The following TCF3 variants were observed in gnomAD, a reference collection of about 807,000 sequenced individuals.
The protein encoded by TCF3 is transcription factor 3.
A neutral mutation model predicts 72.3 loss-of-function variants in TCF3; 54 were observed. That is an observed-to-expected ratio of 0.75 (90% CI 0.60 to 0.94). The LOEUF is 0.94. Ranked by LOEUF, TCF3 falls within the 40% of genes least tolerant of loss-of-function variation. The pLI is 0.00. For missense variants in TCF3, 1,078 were observed against 934.4 expected (o/e 1.15, Z -2.00); for synonymous variants, 525 against 412.6 (o/e 1.27, Z -3.30).
At position 1,622,123 on chromosome 19, in the gene TCF3, G is replaced by A. The variant is rs776222071; in HGVS notation, c.753C>T (p.Pro251=). The change falls in exon 10 of 19, where the codon CCC becomes CCT. Residue 251 remains proline (P), a synonymous_variant. Transcript: ENST00000262965. Reference sequence around the variant, plus strand: ...CACTGCTGCCCACCGGGCCGCTACCGGGCGGGAGGGGCAGCGGGGATGAGC... The same window carrying A: ...CACTGCTGCCCACCGGGCCGCTACCAGGCGGGAGGGGCAGCGGGGATGAGC... ...GGGSSPLPLP[P]GSGPVGSSGS... The A allele has an allele frequency of 5.6e-5, 90 of 1,596,778 alleles. No homozygotes were observed. The highest frequency in any genetic ancestry group is 6.9e-5 in the Non-Finnish European group (81 of 1,173,726).
chr19:1,618,522 C>T (rs1424356741), intron 16 of TCF3, among the ~76,000 whole-genome samples: 1 of 150,340 alleles, frequency 6.7e-6, no homozygotes, highest in African/African-American at 2.4e-5. Flanking sequence ...CCCCTTCCCT[C>T]TCTCCCTCTC....
At chr19:1,618,596 G>A (rs1028419115) in intron 16 of TCF3, among the ~76,000 whole-genome samples, 1 of 151,848 alleles carries the variant, frequency 6.6e-6, no homozygotes, top group African/African-American at 2.4e-5. Context: ...CAGCCCCAGG[G>A]CCTTTGCCTG....
chr19:1,630,578 T>C (rs118033851), intron 5 of TCF3, among the ~76,000 whole-genome samples: 3,861 of 152,188 alleles, frequency 0.025, 76 homozygotes, highest in Non-Finnish European at 0.041. Flanking sequence ...CCGCAGCAGG[T>C]CCAGTGCCCC....
intron 5 of TCF3, among the ~76,000 whole-genome samples, chr19:1,628,095 C>T (rs866720962): frequency 7.5e-3 from 6 of 802 alleles, no homozygotes; most frequent in Admixed American, 0.016. Flanking sequence ...GGGGGTGAGG[C>T]GGGAAGGGGA....
At chr19:1,635,768 G>A (rs2064311994) in intron 3 of TCF3, among the ~76,000 whole-genome samples, 1 of 152,136 alleles carries the variant, frequency 6.6e-6, no homozygotes, top group Admixed American at 6.5e-5. Context: ...TGTGTATATG[G>A]CTAATGCCTG....
intron 8 of TCF3, among the ~76,000 whole-genome samples, chr19:1,623,130 G>C (rs1174530255): frequency 6.6e-6 from 1 of 152,146 alleles, no homozygotes; most frequent in African/African-American, 2.4e-5. Context: ...GGCCTGTGGG[G>C]AGCTGGTCGG....
chr19:1,622,631 C>T (rs181041386), intron 8 of TCF3, among the ~76,000 whole-genome samples: 49 of 152,272 alleles, frequency 3.2e-4, no homozygotes, highest in Admixed American at 2.1e-3. Flanking sequence ...TTTCCAGCCC[C>T]CACCTCCCGC....
At chr19:1,651,319 G>A (rs960013836) in intron 1 of TCF3, 1 of 228,824 alleles carries the variant, frequency 4.4e-6, no homozygotes, top group African/African-American at 2.2e-5. Context: ...GAGGTCGAGG[G>A]AGACCCAACT....
chr19:1,636,819 C>T (rs1455801128), intron 3 of TCF3, among the ~76,000 whole-genome samples: 1 of 152,102 alleles, frequency 6.6e-6, no homozygotes, highest in Non-Finnish European at 1.5e-5. Flanking sequence ...GACGAGATCC[C>T]GCAAAGCCTC....
intron 18 of TCF3, among the ~76,000 whole-genome samples, chr19:1,613,551 G>A (rs976268008): frequency 1.3e-5 from 2 of 152,126 alleles, no homozygotes; most frequent in Non-Finnish European, 2.9e-5. Context: ...CCACTTGCGG[G>A]GTGATGGACA....
Position 1,619,403 on chromosome 19 carries a change from G to A in TCF3, c.1239C>T (p.Gly413=), listed in dbSNP as rs769388138. Residue 413 remains glycine, a synonymous_variant, in exon 15 of 19, where the codon GGC becomes GGT. Coordinates refer to ENST00000262965, the MANE Select transcript of TCF3 (RefSeq NM_003200.5). The part of the protein sequence containing the change: ...VLRSHAVGTA[G]DMHTLLPGHG... ...GGCCAGGCAGCAGCGTGTGCATGTCGCCGGCTGTGCCCACGGCGTGGCTGC... is the reference window on the plus strand; with the variant it reads ...GGCCAGGCAGCAGCGTGTGCATGTCACCGGCTGTGCCCACGGCGTGGCTGC... The A allele has an allele frequency of 2.0e-5, 32 of 1,592,962 alleles. No individual in the cohort carries two copies. The highest frequency in any genetic ancestry group is 9.9e-5 in the South Asian group (9 of 90,716).
intron 18 of TCF3, among the ~76,000 whole-genome samples, chr19:1,612,856 G>A (rs1007182150): frequency 3.3e-5 from 5 of 149,988 alleles, no homozygotes; most frequent in African/African-American, 1.2e-4. Flanking sequence ...CACGGCTGGT[G>A]TCGGGCACAG....
intron 5 of TCF3, among the ~76,000 whole-genome samples, chr19:1,629,712 CG>C (rs1952890501): frequency 6.6e-6 from 1 of 152,138 alleles, no homozygotes; most frequent in South Asian, 2.1e-4. Flanking sequence ...ACACTGGGCA[CG>C]GAATGTGACT....
rs1483127494 is a variant in TCF3 at position 1,611,042 on chromosome 19, G to A, written c.*665C>T. On this transcript the variant is annotated 3_prime_UTR_variant, in exon 19 of 19. Transcript: ENST00000262965. Reference sequence around the variant, plus strand: ...GTCTAGGAACAGCAGCAGAAATAGCGAGAGACACGGGACTTTTATACAAAA... The same window carrying A: ...GTCTAGGAACAGCAGCAGAAATAGCAAGAGACACGGGACTTTTATACAAAA... The A allele has an allele frequency of 8.8e-6, 2 of 227,480 alleles. No individual in the cohort carries two copies. The highest frequency in any genetic ancestry group is 1.7e-5 in the Non-Finnish European group (2 of 114,998). The allele number at this position is 227,480 out of a possible 1,614,324, so 14.1% of individuals were successfully genotyped here. A position where few individuals can be genotyped will look rare whatever the true frequency, so the allele number is the denominator to read the frequency against.
intron 1 of TCF3, chr19:1,651,367 G>A (rs2067014479): frequency 4.4e-6 from 1 of 227,344 alleles, no homozygotes. Context: ...CTGCCAACTG[G>A]AGGCCGGGTG....
rs2061303731 is a variant in TCF3, at chr19:1,614,011, CTG to C, written c.1822+1272_1822+1273del. On this transcript the variant is annotated intron_variant, in intron 18 of 18. Transcript: ENST00000262965. This position sits in a 1 kb window ranked among gnomAD's most constrained non-coding sequence, Gnocchi z 5.6. ...GGGGTGCGGGTCCCGGCCCAGGCCT[CTG>C]TGCTGCATGGCCCTGCATGGGTGAC... Among the ~76,000 whole-genome samples, 1 of 152,276 alleles carries C rather than the reference CTG, an allele frequency of 6.6e-6. No homozygotes were observed. The highest frequency in any genetic ancestry group is 1.5e-5 in the Non-Finnish European group (1 of 68,048).
Position 1,615,050 on chromosome 19 carries a change from T to G in TCF3, c.1822+235A>C, listed in dbSNP as rs1046175778. 6.6e-6 allele frequency among the ~76,000 whole-genome samples: 1 copy of G among 151,464 alleles called. No individual in the cohort carries two copies. The highest frequency in any genetic ancestry group is 2.4e-5 in the African/African-American group (1 of 41,174). On this transcript the variant is annotated intron_variant, in intron 18 of 18. Transcript: ENST00000262965. This position sits in a 1 kb window ranked among gnomAD's most constrained non-coding sequence, Gnocchi z 7.3. ...TGAAGGACTAGGGGTCCAGAAAGAG[T>G]CCAGTCCTCCCACTGTGGAGGGGAT...
rs758536616 is a variant in TCF3 at position 1,625,670 on chromosome 19, G to T, written c.405C>A (p.Pro135=). The T allele has an allele frequency of 6.5e-7, 1 of 1,527,986 alleles. No individual in the cohort carries two copies. Among genetic ancestry groups the T allele is most frequent in the South Asian group, 1.2e-5 (1 of 80,600 alleles). The allele number at this position is 1,527,986 out of a possible 1,614,324, so 94.7% of individuals were successfully genotyped here. ...TCATGCCCGAAGGGGACAGGGGCCC[G>T]GGGCTGTTGAGGGCCAGCTCGCCTG... ...FLSGELALNS[P]GPLSPSGMKG... Residue 135 remains proline (P), a synonymous_variant, in exon 7 of 19, where the codon CCC becomes CCA. Coordinates refer to ENST00000262965, the MANE Select transcript of TCF3 (RefSeq NM_003200.5).
intron 2 of TCF3, 133 bp downstream of exon 2, chr19:1,650,044 C>G: frequency 1.1e-6 from 1 of 893,822 alleles, no homozygotes; most frequent in South Asian, 1.7e-5. Flanking sequence ...CTCCCCCAGC[C>G]CCACCGGGGC....
Sources: gnomAD v4.1 joint callset for allele counts (sites outside exome capture counted in the v4.1 genomes callset) on GRCh38, gnomAD v4.1.1 for gene constraint, Gnocchi (gnomAD v3.1) non-coding constraint, MANE v1.5 for transcripts, NCBI Gene and HGNC (gene_info 2026-07-23, HGNC 2026-07-21) for gene names.